The following UNC5D variants were observed in gnomAD, a reference collection of about 807,000 sequenced individuals.
The protein encoded by UNC5D is netrin receptor UNC5D.
UNC5D carries 39 observed loss-of-function variants against 105.4 expected under a neutral mutation model. The ratio of observed to expected loss-of-function variants is 0.37; its 90% CI spans 0.29 to 0.48. The LOEUF is 0.48. Among genes scored for constraint, UNC5D ranks in the 20% least tolerant of loss-of-function variants. The pLI, the probability that UNC5D is intolerant of heterozygous loss-of-function variation, is 0.98. For missense variants in UNC5D, 991 were observed against 1,202.4 expected (o/e 0.82, Z 2.60); for synonymous variants, 452 against 450.4 (o/e 1.00, Z -0.04).
intron 1 of UNC5D, among the ~76,000 whole-genome samples, chr8:35,446,471 T>C (rs1460809961): frequency 6.6e-6 from 1 of 152,038 alleles, no homozygotes; most frequent in Non-Finnish European, 1.5e-5. Context: ...ATATAAGATG[T>C]AGATCTAATT....
intron 7 of UNC5D, among the ~76,000 whole-genome samples, chr8:35,699,928 A>AAAT (rs1296006281): frequency 6.6e-6 from 1 of 152,208 alleles, no homozygotes; most frequent in Non-Finnish European, 1.5e-5. Flanking sequence ...TTAATCACTG[A>AAAT]AATAGTTTTA....
chr8:35,765,858 T>C (rs2131705918), intron 14 of UNC5D, among the ~76,000 whole-genome samples: 1 of 152,216 alleles, frequency 6.6e-6, no homozygotes, highest in Middle Eastern at 3.4e-3. Context: ...ATTTTATTTT[T>C]AGCAATAGGT....
chr8:35,777,465 T>G (rs553556653), intron 16 of UNC5D, among the ~76,000 whole-genome samples: 1 of 152,324 alleles, frequency 6.6e-6, no homozygotes, highest in Admixed American at 6.5e-5. Flanking sequence ...TCAATTTCAC[T>G]GAGTGTCATT....
chr8:35,646,096 A>C (rs930542742), intron 4 of UNC5D, among the ~76,000 whole-genome samples: 1 of 152,154 alleles, frequency 6.6e-6, no homozygotes, highest in Non-Finnish European at 1.5e-5. Context: ...CAATGTTTTT[A>C]TATAATGTAG....
intron 1 of UNC5D, among the ~76,000 whole-genome samples, chr8:35,284,355 A>G (rs1806428504): frequency 6.6e-6 from 1 of 152,224 alleles, no homozygotes; most frequent in African/African-American, 2.4e-5. Flanking sequence ...TTGCACAAGA[A>G]TGACAAAAAT....
intron 10 of UNC5D, among the ~76,000 whole-genome samples, chr8:35,728,095 A>AAAAAAATATAT (rs34672872): frequency 1.0e-4 from 11 of 110,344 alleles, no homozygotes; most frequent in Admixed American, 9.1e-4. Context: ...AAAAAAAAAA[A>AAAAAAATATAT]ATATATATAT....
chr8:35,562,029 C>T (rs1817003074), intron 2 of UNC5D, among the ~76,000 whole-genome samples: 1 of 152,272 alleles, frequency 6.6e-6, no homozygotes, highest in Admixed American at 6.5e-5. Flanking sequence ...CTTCTCTCCT[C>T]ATCCCCCTTC....
intron 1 of UNC5D, among the ~76,000 whole-genome samples, chr8:35,236,291 A>G (rs1802454037): frequency 6.6e-6 from 1 of 152,070 alleles, no homozygotes; most frequent in Non-Finnish European, 1.5e-5. Flanking sequence ...TCCTGGGGAG[A>G]GGGGCCAGGT....
At chr8:35,603,517 C>G (rs1400096897) in intron 4 of UNC5D, among the ~76,000 whole-genome samples, 2 of 152,076 alleles carry the variant, frequency 1.3e-5, no homozygotes, top group East Asian at 1.9e-4. Flanking sequence ...AATGTATATT[C>G]TGTTGATTTG....
chr8:35,253,087 A>G (rs1056568335), intron 1 of UNC5D, among the ~76,000 whole-genome samples: 5 of 151,730 alleles, frequency 3.3e-5, no homozygotes, highest in African/African-American at 1.2e-4. Flanking sequence ...GAGTTTTGAG[A>G]GAGTGAGCAA....
intron 1 of UNC5D, among the ~76,000 whole-genome samples, chr8:35,527,612 G>T (rs1055653605): frequency 6.6e-6 from 1 of 151,866 alleles, no homozygotes; most frequent in Non-Finnish European, 1.5e-5. Flanking sequence ...GCATGATCTC[G>T]ACTCACTGCA....
intron 1 of UNC5D, among the ~76,000 whole-genome samples, chr8:35,400,425 A>G (rs940425535): frequency 1.8e-4 from 27 of 152,122 alleles, no homozygotes; most frequent in Non-Finnish European, 1.0e-4. Flanking sequence ...CAAGCTCCTC[A>G]TTATCCCGGA....
chr8:35,674,697 A>G (rs1256088148), intron 4 of UNC5D, among the ~76,000 whole-genome samples: 1 of 152,198 alleles, frequency 6.6e-6, no homozygotes, highest in Non-Finnish European at 1.5e-5. Flanking sequence ...GTGCGAGTCT[A>G]AAGGCTTCCT....
chr8:35,440,691 A>G (rs908991111), intron 1 of UNC5D, among the ~76,000 whole-genome samples: 7 of 151,950 alleles, frequency 4.6e-5, no homozygotes, highest in African/African-American at 1.7e-4. Flanking sequence ...TTAGACATGA[A>G]TATTAATACA....
At chr8:35,288,665 G>A (rs1295471961) in intron 1 of UNC5D, among the ~76,000 whole-genome samples, 2 of 152,164 alleles carry the variant, frequency 1.3e-5, no homozygotes, top group Non-Finnish European at 1.5e-5. Context: ...ATAAATTGTT[G>A]AGATAGAAAT....
chr8:35,646,244 A>C (rs1032369941), intron 4 of UNC5D, among the ~76,000 whole-genome samples: 3 of 152,112 alleles, frequency 2.0e-5, no homozygotes, highest in Non-Finnish European at 4.4e-5. Flanking sequence ...GTGAGGTGGA[A>C]TCAAAGGAGA....
At chr8:35,429,474 AT>A (rs2128973794) in intron 1 of UNC5D, among the ~76,000 whole-genome samples, 1 of 152,230 alleles carries the variant, frequency 6.6e-6, no homozygotes, top group South Asian at 2.1e-4. Flanking sequence ...CATTCTTAAG[AT>A]TTTAGATACT....
chr8:35,413,461 CTTT>C (rs556334880), intron 1 of UNC5D, among the ~76,000 whole-genome samples: 3 of 138,400 alleles, frequency 2.2e-5, no homozygotes, highest in Non-Finnish European at 3.2e-5. Flanking sequence ...CCACCATGGG[CTTT>C]TTTTTTTTTT....
chr8:35,446,575 G>T (rs115486875), intron 1 of UNC5D, among the ~76,000 whole-genome samples: 15 of 152,098 alleles, frequency 9.9e-5, no homozygotes, highest in African/African-American at 3.4e-4. Flanking sequence ...AACTGGGTAT[G>T]GTTTAGTAAA....
Sources: allele counts gnomAD v4.1 joint callset (sites outside exome capture counted in the v4.1 genomes callset), GRCh38; gene constraint gnomAD v4.1.1; transcripts MANE v1.5; gene names NCBI Gene and HGNC (gene_info 2026-07-23, HGNC 2026-07-21).